SCHIP1: variants seen among roughly 807,000 people sequenced by gnomAD.
The protein encoded by SCHIP1 is schwannomin-interacting protein 1.
In SCHIP1, 8 loss-of-function variants were observed where a neutral mutation model predicts 29.7. That is an observed-to-expected ratio of 0.27 (90% confidence interval 0.16 to 0.49). SCHIP1 has a LOEUF of 0.49. SCHIP1 is among the 20% of genes least tolerant of loss of function. The probability of loss-of-function intolerance (pLI) is 0.99; values close to 1 mark genes in which losing one functional copy is unlikely to be tolerated. For synonymous variants in SCHIP1, 76 were observed against 94.9 expected, an observed-to-expected ratio of 0.80 and a Z score of 1.16; for missense variants, 193 against 294.6, an observed-to-expected ratio of 0.66 and a Z score of 2.52.
At chr3:159,741,711 A>G in the SCHIP1 span, among the ~76,000 whole-genome samples, 2 of 152,252 alleles carry the variant, frequency 1.3e-5, no homozygotes, top group East Asian at 3.8e-4. Flanking sequence ...CAAGTTACCA[A>G]AAATGGCAAA....
chr3:159,490,557 TACA>T, the SCHIP1 span, among the ~76,000 whole-genome samples: 1 of 152,204 alleles, frequency 6.6e-6, no homozygotes, highest in African/African-American at 2.4e-5. Flanking sequence ...ATTGAGTGCC[TACA>T]ACTTGTCAAG....
chr3:159,644,091 G>A, the SCHIP1 span, among the ~76,000 whole-genome samples: 1 of 151,992 alleles, frequency 6.6e-6, no homozygotes, highest in Non-Finnish European at 1.5e-5. Context: ...GTTTTGAGGG[G>A]CCCACAGAAA....
At chr3:159,744,991 AAAG>A in the SCHIP1 span, among the ~76,000 whole-genome samples, 1,222 of 152,020 alleles carry the variant, frequency 8.0e-3, 21 homozygotes, top group African/African-American at 0.028. Flanking sequence ...CAAAAAAAAA[AAAG>A]AAGAAGAAGA....
chr3:159,788,503 A>G, the SCHIP1 span, among the ~76,000 whole-genome samples: 1 of 152,144 alleles, frequency 6.6e-6, no homozygotes, highest in African/African-American at 2.4e-5. Context: ...CTGTTGGTTC[A>G]TCTACACACT....
intron 6 of SCHIP1, chr3:159,893,177 T>G (rs1208160814): frequency 1.3e-5 from 2 of 152,230 alleles, no homozygotes; most frequent in African/African-American, 4.8e-5. Flanking sequence ...AAAATAGTTT[T>G]GGTAGCAAAA....
the SCHIP1 span, among the ~76,000 whole-genome samples, chr3:159,540,444 T>C: frequency 2.2e-4 from 33 of 152,076 alleles, no homozygotes; most frequent in Admixed American, 2.1e-3. Context: ...ATTTTCAACA[T>C]ATTTACAGTA....
At chr3:159,338,784 T>C in the SCHIP1 span, among the ~76,000 whole-genome samples, 2 of 152,206 alleles carry the variant, frequency 1.3e-5, no homozygotes, top group South Asian at 4.1e-4. Context: ...CTATGGTTTT[T>C]AAGACATTTT....
At chr3:159,831,384 C>T in the SCHIP1 span, among the ~76,000 whole-genome samples, 338 of 152,240 alleles carry the variant, frequency 2.2e-3, no homozygotes, top group African/African-American at 7.7e-3. Context: ...ACAGTAGTCT[C>T]CCCCTTGGCC....
At chr3:159,396,692 T>A in the SCHIP1 span, among the ~76,000 whole-genome samples, 1 of 152,244 alleles carries the variant, frequency 6.6e-6, no homozygotes, top group South Asian at 2.1e-4. Flanking sequence ...AGAGATCCGC[T>A]GTTAGTCTGA....
chr3:159,865,590 C>T (rs1027246658), intron 1 of SCHIP1, among the ~76,000 whole-genome samples: 1 of 152,202 alleles, frequency 6.6e-6, no homozygotes, highest in African/African-American at 2.4e-5. Flanking sequence ...TGAATGGAAA[C>T]AACAGTCCCC....
At chr3:159,641,596 G>A in the SCHIP1 span, among the ~76,000 whole-genome samples, 1 of 152,098 alleles carries the variant, frequency 6.6e-6, no homozygotes, top group Admixed American at 6.6e-5. Flanking sequence ...CTCAAATAGG[G>A]CAGTGTTTCA....
chr3:159,523,918 A>G, the SCHIP1 span, among the ~76,000 whole-genome samples: 1 of 152,252 alleles, frequency 6.6e-6, no homozygotes, highest in East Asian at 1.9e-4. Context: ...TTTCTGAATC[A>G]GCTTAATTGC....
chr3:159,558,526 AAAG>A, the SCHIP1 span, among the ~76,000 whole-genome samples: 6 of 152,186 alleles, frequency 3.9e-5, no homozygotes, highest in Non-Finnish European at 8.8e-5. Context: ...CTAGTTGGTG[AAAG>A]AAGAATTCGA....
chr3:159,443,743 G>A, the SCHIP1 span, among the ~76,000 whole-genome samples: 18 of 152,088 alleles, frequency 1.2e-4, no homozygotes, highest in African/African-American at 4.1e-4. Context: ...TCTTGACCTC[G>A]TGATCTGCCC....
At chr3:159,584,040 C>T in the SCHIP1 span, among the ~76,000 whole-genome samples, 1 of 152,192 alleles carries the variant, frequency 6.6e-6, no homozygotes, top group South Asian at 2.1e-4. Context: ...CCTCATCTTG[C>T]ACTGATTAAG....
At chr3:159,788,927 G>A in the SCHIP1 span, among the ~76,000 whole-genome samples, 5 of 152,054 alleles carry the variant, frequency 3.3e-5, no homozygotes, top group Non-Finnish European at 4.4e-5. Context: ...AACTTTTTGA[G>A]GGCTGACATG....
At chr3:159,637,162 C>A in the SCHIP1 span, among the ~76,000 whole-genome samples, 4 of 152,078 alleles carry the variant, frequency 2.6e-5, no homozygotes, top group Non-Finnish European at 5.9e-5. Flanking sequence ...TTTCATTGTT[C>A]TTTAATAAGA....
the SCHIP1 span, among the ~76,000 whole-genome samples, chr3:159,291,819 A>C: frequency 2.0e-5 from 3 of 152,146 alleles, no homozygotes; most frequent in African/African-American, 7.2e-5. Flanking sequence ...TGAAAAACTG[A>C]ATGTGTGATA....
chr3:159,600,196 CCTT>C, the SCHIP1 span, among the ~76,000 whole-genome samples: 5 of 152,130 alleles, frequency 3.3e-5, no homozygotes, highest in African/African-American at 1.2e-4. Context: ...ATAGAGAAGA[CCTT>C]CTTGCATTGT....
Sources: allele counts gnomAD v4.1 joint callset (sites outside exome capture counted in the v4.1 genomes callset), GRCh38; gene constraint gnomAD v4.1.1; transcripts MANE v1.5; gene names NCBI Gene and HGNC (gene_info 2026-07-23, HGNC 2026-07-21).